The following CILP2 variants were observed in gnomAD, a reference collection of about 807,000 sequenced individuals.
CILP2 encodes the protein CILP-2.
A neutral mutation model predicts 45.6 loss-of-function variants in CILP2; 38 were observed. That is an observed-to-expected ratio of 0.83 (90% CI 0.64 to 1.09). The LOEUF is 1.09. Ranked by LOEUF, CILP2 falls within the 50% of genes least tolerant of loss-of-function variation. CILP2 has a pLI of 0.00. For synonymous variants in CILP2, 780 were observed against 723.5 expected (o/e 1.08, Z -1.25); for missense variants, 1,735 against 1,662.2 (o/e 1.04, Z -0.76).
rs756358174 is a variant in CILP2, at chr19:19,544,432, C to T, written c.1887C>T (p.Asp629=). The T allele has an allele frequency of 3.7e-6, 6 of 1,610,056 alleles. No individual in the cohort carries two copies. Among genetic ancestry groups the T allele is most frequent in the East Asian group, 4.5e-5 (2 of 44,860 alleles). The change falls in exon 8 of 8, where the codon GAC becomes GAT. Residue 629 remains aspartate, a synonymous_variant. Transcript: ENST00000291495. ...ASAPSDLRFV[D]SDGELAPLRT... ...CCCCCAGTGACCTGCGCTTCGTGGA[C>T]AGCGACGGCGAGCTGGCTCCACTGC...
rs564035248 is a variant in CILP2, at chr19:19,545,372, G to A, written c.2827G>A (p.Val943Met). Residue 943 changes from valine to methionine, a missense_variant, in exon 8 of 8, where the codon GTG becomes ATG. Val to Met is a conservative substitution (Grantham distance 21, BLOSUM62 1). Transcript: ENST00000291495. ...GGAGTTCCGGGCCTGCTTCCTCAAG[G>A]TGAAGATCCAGGGTCCCCAGGAGTA... The part of the protein sequence containing the change: ...PQEFRACFLK[V>M]KIQGPQEYMV... 3 of 1,612,600 alleles carry A rather than the reference G, an allele frequency of 1.9e-6. No individual in the cohort carries two copies. Among genetic ancestry groups the A allele is most frequent in the East Asian group, 2.2e-5 (1 of 44,862 alleles).
rs751045943 is a variant in CILP2 at position 19,543,411 on chromosome 19, T to C, written c.1135+6T>C. The C allele has an allele frequency of 1.2e-6, 2 of 1,612,844 alleles. No homozygotes were observed. Among genetic ancestry groups the C allele is most frequent in the Non-Finnish European group, 1.7e-6 (2 of 1,179,808 alleles). Reference sequence around the variant, plus strand: ...TGCCCGGCTCACTGTACTTGGTGAGTGTCCTTGGCCACAGCCCCGAGCAAG... The same window carrying C: ...TGCCCGGCTCACTGTACTTGGTGAGCGTCCTTGGCCACAGCCCCGAGCAAG... On this transcript the variant is annotated splice_donor_region_variant and intron_variant, in intron 7 of 7. Coordinates refer to ENST00000291495, the MANE Select transcript of CILP2 (RefSeq NM_153221.2).
chr19:19,542,649 G>A lies in CILP2; in HGVS notation c.867G>A (p.Leu289=). The A allele has an allele frequency of 1.2e-6, 2 of 1,612,702 alleles. No homozygotes were observed. Among genetic ancestry groups the A allele is most frequent in the Non-Finnish European group, 1.7e-6 (2 of 1,178,880 alleles). The change falls in exon 5 of 8, where the codon TTG becomes TTA. Residue 289 remains leucine, a splice_region_variant and synonymous_variant. Coordinates refer to ENST00000291495, the MANE Select transcript of CILP2 (RefSeq NM_153221.2). ...ISVVTIILDK[L]EKPYLVKHPE... ...TGGTCACCATCATCCTTGATAAGTT[G>A]GGTAAGCACCCTTGCAACATGGGGC... is the stretch of plus-strand genomic sequence containing the variant.
At chr19:19,542,803 G>A (rs990338443) in intron 5 of CILP2, 61 bp from the exon 6 acceptor site, 30 of 1,551,498 alleles carry the variant, frequency 1.9e-5, no homozygotes, top group Non-Finnish European at 2.6e-5. Flanking sequence ...AGAGGATGGG[G>A]ACGTTGCTCC....
Position 19,544,681 on chromosome 19 carries a change from C to T in CILP2, c.2136C>T (p.Arg712=). Residue 712 remains arginine, a synonymous_variant, in exon 8 of 8, where the codon CGC becomes CGT. Transcript: ENST00000291495. Reference sequence around the variant, plus strand: ...GCCCCCGGGTGCGCCGGGAGGAGCGCGTCTTCCTGGTGGGCAACGTGGAGA... The same window carrying T: ...GCCCCCGGGTGCGCCGGGAGGAGCGTGTCTTCCTGGTGGGCAACGTGGAGA... ...SSGPRVRREE[R]VFLVGNVEIR... The T allele has an allele frequency of 2.5e-6, 4 of 1,574,384 alleles. No individual in the cohort carries two copies. The highest frequency in any genetic ancestry group is 3.4e-6 in the Non-Finnish European group (4 of 1,166,466).
At chr19:19,540,874 G>A in intron 3 of CILP2, 1 of 426,318 alleles carries the variant, frequency 2.3e-6, no homozygotes, top group Non-Finnish European at 4.0e-6. Context: ...ACCTTATGCG[G>A]GGGTGGGGAG....
chr19:19,546,129 C>G lies in CILP2; in HGVS notation c.*113C>G. ...CTCCCCAGGTGTCTGGGTCCCCTTT[C>G]CCGCCCCTTTCCAGAACTCAGAGTC... is the stretch of plus-strand genomic sequence containing the variant. On this transcript the variant is annotated 3_prime_UTR_variant, in exon 8 of 8. Transcript: ENST00000291495. 1 of 849,478 alleles carries G rather than the reference C, an allele frequency of 1.2e-6. No individual in the cohort carries two copies. The highest frequency in any genetic ancestry group is 2.9e-5 in the East Asian group (1 of 34,160). The allele number at this position is 849,478 out of a possible 1,614,324, so 52.6% of individuals were successfully genotyped here.
Position 19,543,251 on chromosome 19 carries a change from C to T in CILP2, c.981C>T (p.Phe327=). The change falls in exon 7 of 8, where the codon TTC becomes TTT. Residue 327 remains phenylalanine (F), a synonymous_variant. Coordinates refer to ENST00000291495, the MANE Select transcript of CILP2 (RefSeq NM_153221.2). ...GTPMPKKYSW[F]HNGTLLDRRA... ...GTGTCGCTCACCTGCCATCCAGGTT[C>T]CACAATGGGACCCTGCTGGACAGGC... 1 of 1,612,700 alleles carries T rather than the reference C, an allele frequency of 6.2e-7. No homozygotes were observed. The highest frequency in any genetic ancestry group is 8.5e-7 in the Non-Finnish European group (1 of 1,179,678).
intron 1 of CILP2, 67 bp from the exon 2 acceptor site, chr19:19,539,611 TA>T: frequency 9.4e-7 from 1 of 1,067,438 alleles, no homozygotes; most frequent in Non-Finnish European, 1.3e-6. Flanking sequence ...GCACCTTGCC[TA>T]AAAGGAGGCT....
chr19:19,542,818 A>C, intron 5 of CILP2, 46 bp from the exon 6 acceptor site: 1 of 1,571,764 alleles, frequency 6.4e-7, no homozygotes, highest in Non-Finnish European at 8.8e-7. Context: ...TGCTCCTAGG[A>C]AGGGTGGGTG....
rs2061251262 is a variant in CILP2, at chr19:19,543,350, G to C, written c.1080G>C (p.Lys360Asn). The change falls in exon 7 of 8, where the codon AAG (lysine) becomes AAC (asparagine). Residue 360 changes from lysine to asparagine, a missense_variant. Lys to Asn is a moderately conservative substitution (Grantham distance 94). Coordinates refer to ENST00000291495, the MANE Select transcript of CILP2 (RefSeq NM_153221.2). ...ACCAGGCTGGCATCTACCACTGCAA[G>C]GCATGGAATGAGGCGGGTGCCGTGC... is the stretch of plus-strand genomic sequence containing the variant. ...RPDQAGIYHC[K>N]AWNEAGAVRS... 1.9e-6 allele frequency: 3 copies of C among 1,613,560 alleles called. No homozygotes were observed. Among genetic ancestry groups the C allele is most frequent in the Non-Finnish European group, 2.5e-6 (3 of 1,180,018 alleles).
chr19:19,538,814 A>G (rs964921785), intron 1 of CILP2, among the ~76,000 whole-genome samples: 35 of 152,342 alleles, frequency 2.3e-4, no homozygotes, highest in African/African-American at 8.2e-4. Context: ...TTCTCAAGTG[A>G]GGAGACTGAG....
Position 19,538,299 on chromosome 19 carries a change from C to T in CILP2, c.-51C>T. 1 of 1,519,818 alleles carries T rather than the reference C, an allele frequency of 6.6e-7. No individual in the cohort carries two copies. Among genetic ancestry groups the T allele is most frequent in the East Asian group, 2.5e-5 (1 of 39,518 alleles). The allele number at this position is 1,519,818 out of a possible 1,614,324, so 94.1% of individuals were successfully genotyped here. A position where few individuals can be genotyped will look rare whatever the true frequency, so the allele number is the denominator to read the frequency against. ...GGCCGCCAGACCCGCCGGAGTTGGA[C>T]CCGAGCACGCCGCGGAGCCCGGACC... On this transcript the variant is annotated 5_prime_UTR_variant, in exon 1 of 8. Coordinates refer to ENST00000291495, the MANE Select transcript of CILP2 (RefSeq NM_153221.2).
Position 19,543,419 on chromosome 19 carries a change from G to T in CILP2, c.1135+14G>T, listed in dbSNP as rs750873273. On this transcript the variant is annotated intron_variant, in intron 7 of 7. Coordinates refer to ENST00000291495, the MANE Select transcript of CILP2 (RefSeq NM_153221.2). ...TCACTGTACTTGGTGAGTGTCCTTG[G>T]CCACAGCCCCGAGCAAGCCTTCACC... 1.2e-6 allele frequency: 2 copies of T among 1,612,614 alleles called. No homozygotes were observed. Among genetic ancestry groups the T allele is most frequent in the African/African-American group, 2.7e-5 (2 of 75,044 alleles).
chr19:19,540,146 C>A, intron 2 of CILP2, 58 bp from the exon 3 acceptor site: 2 of 1,472,816 alleles, frequency 1.4e-6, no homozygotes, highest in Non-Finnish European at 1.8e-6. Flanking sequence ...GGCCTTTGCA[C>A]GCATGCATGG....
At position 19,545,491 on chromosome 19, in the gene CILP2, G is replaced by A. The variant is rs2061261615; in HGVS notation, c.2946G>A (p.Glu982=). ...LRDARSVRDP[E]RPGTSAACVE... ...ATGCCCGGAGTGTGCGAGACCCCGAGCGTCCGGGCACCTCGGCAGCCTGCG... is the reference window on the plus strand; with the variant it reads ...ATGCCCGGAGTGTGCGAGACCCCGAACGTCCGGGCACCTCGGCAGCCTGCG... The change falls in exon 8 of 8, where the codon GAG becomes GAA. Residue 982 remains glutamate (E), a synonymous_variant. Transcript: ENST00000291495. The A allele has an allele frequency of 1.2e-6, 2 of 1,612,300 alleles. No homozygotes were observed. The highest frequency in any genetic ancestry group is 1.3e-5 in the African/African-American group (1 of 74,942).
rs2061260371 is a variant in CILP2, at chr19:19,545,247, G to C, written c.2702G>C (p.Arg901Thr). 1.2e-6 allele frequency: 2 copies of C among 1,612,312 alleles called. No individual in the cohort carries two copies. The highest frequency in any genetic ancestry group is 2.2e-5 in the South Asian group (2 of 91,042). The stretch of plus-strand genomic sequence containing the variant: ...ACTGCCAGCCACTTCCGCTTCGCCA[G>C]GGTGGAGGCGGACAAGTACGAGTAC... ...PVTASHFRFA[R>T]VEADKYEYNV... The change falls in exon 8 of 8, where the codon AGG becomes ACG. Residue 901 changes from arginine to threonine, a missense_variant. Coordinates refer to ENST00000291495, the MANE Select transcript of CILP2 (RefSeq NM_153221.2).
In CILP2 at chr19:19,546,273, T is replaced by G; in HGVS notation, c.*257T>G. ...GCACCCAGGGGACGACGTTCAACCC[T>G]AGCCTGAAGGGACCCGCTCCCAGCT... is the stretch of plus-strand genomic sequence containing the variant. On this transcript the variant is annotated 3_prime_UTR_variant, in exon 8 of 8. Coordinates refer to ENST00000291495, the MANE Select transcript of CILP2 (RefSeq NM_153221.2). 1 of 338,248 alleles carries G rather than the reference T, an allele frequency of 3.0e-6. No homozygotes were observed. 21.0% of individuals were successfully genotyped at this position (338,248 alleles called of 1,614,324 possible).
At position 19,544,585 on chromosome 19, in the gene CILP2, G is replaced by A; in HGVS notation, c.2040G>A (p.Lys680=). 6.3e-7 allele frequency: 1 copy of A among 1,577,234 alleles called. No individual in the cohort carries two copies. The highest frequency in any genetic ancestry group is 8.6e-7 in the Non-Finnish European group (1 of 1,167,850). Residue 680 remains lysine, a synonymous_variant, in exon 8 of 8, where the codon AAG becomes AAA. Coordinates refer to ENST00000291495, the MANE Select transcript of CILP2 (RefSeq NM_153221.2). The stretch of plus-strand genomic sequence containing the variant: ...TGCCAGGCCACGTGGAGGCCCTCAA[G>A]CTGTGGTCGCTGAACCCCGAGACCG... ...IHMPGHVEAL[K]LWSLNPETGL... is the part of the protein sequence containing the mutation.
Sources: gnomAD v4.1 joint callset for allele counts (sites outside exome capture counted in the v4.1 genomes callset) on GRCh38, gnomAD v4.1.1 for gene constraint, MANE v1.5 for transcripts, NCBI Gene and HGNC (gene_info 2026-07-23, HGNC 2026-07-21) for gene names.